The following RGS6 variants were observed in gnomAD, a reference collection of about 807,000 sequenced individuals.
The protein encoded by RGS6 is regulator of G protein signaling 6.
RGS6 carries 30 observed loss-of-function variants against 78.5 expected under a neutral mutation model. The ratio of observed to expected loss-of-function variants is 0.38; its 90% CI spans 0.29 to 0.52. The LOEUF (loss-of-function observed/expected upper bound fraction) is 0.52, where lower values mean the gene tolerates loss of function less well. Among genes scored for constraint, RGS6 ranks in the 20% least tolerant of loss-of-function variants. The pLI, the probability that RGS6 is intolerant of heterozygous loss-of-function variation, is 0.85. For synonymous variants in RGS6, 206 were observed against 206.0 expected (o/e 1.00, Z 0.00); for missense variants, 495 against 609.7 (o/e 0.81, Z 1.98).
chr14:72,168,351 G>A (rs1298230668), intron 2 of RGS6, among the ~76,000 whole-genome samples: 1 of 152,092 alleles, frequency 6.6e-6, no homozygotes, highest in Admixed American at 6.5e-5. Context: ...GCTCCTTCAG[G>A]CCCTGAGAGT....
intron 3 of RGS6, among the ~76,000 whole-genome samples, chr14:72,377,703 G>A (rs1052042916): frequency 6.6e-6 from 1 of 152,124 alleles, no homozygotes; most frequent in Non-Finnish European, 1.5e-5. Flanking sequence ...GGCCAGGCAT[G>A]GTGTAATCCC....
chr14:71,974,745 C>T (rs1298382085), intron 2 of RGS6, among the ~76,000 whole-genome samples: 5 of 152,078 alleles, frequency 3.3e-5, no homozygotes, highest in Non-Finnish European at 5.9e-5. Flanking sequence ...TTCCATTGCT[C>T]TTTATTATTT....
chr14:72,361,092 T>C (rs951501675), intron 3 of RGS6, among the ~76,000 whole-genome samples: 6 of 151,606 alleles, frequency 4.0e-5, no homozygotes, highest in African/African-American at 1.5e-4. Flanking sequence ...TCTTTTTTTT[T>C]TTTTTTTTTT....
the RGS6 span, among the ~76,000 whole-genome samples, chr14:72,573,724 C>G: frequency 2.0e-5 from 3 of 152,280 alleles, no homozygotes; most frequent in Middle Eastern, 3.4e-3. Context: ...CAGCTCCAAC[C>G]CCTTCTGCTG....
At chr14:71,982,092 C>G (rs1444218172) in intron 2 of RGS6, among the ~76,000 whole-genome samples, 1 of 152,226 alleles carries the variant, frequency 6.6e-6, no homozygotes, top group East Asian at 1.9e-4. Flanking sequence ...GGAAAGGGAA[C>G]TCCCTGACCC....
At chr14:72,251,937 G>A (rs2055896133) in intron 2 of RGS6, among the ~76,000 whole-genome samples, 1 of 152,172 alleles carries the variant, frequency 6.6e-6, no homozygotes, top group Non-Finnish European at 1.5e-5. Flanking sequence ...ATTTTCTAAT[G>A]ACTATTAGCC....
chr14:71,884,366 T>C, the RGS6 span, among the ~76,000 whole-genome samples: 2 of 152,226 alleles, frequency 1.3e-5, no homozygotes, highest in African/African-American at 4.8e-5. Flanking sequence ...GCACAAAGTG[T>C]CTTAAGCCTC....
At chr14:72,368,766 A>G (rs1266252955) in intron 3 of RGS6, among the ~76,000 whole-genome samples, 1 of 152,224 alleles carries the variant, frequency 6.6e-6, no homozygotes, top group Non-Finnish European at 1.5e-5. Context: ...GGAAGGAAGA[A>G]CTTTAAAAAT....
intron 2 of RGS6, among the ~76,000 whole-genome samples, chr14:72,127,560 A>T (rs2096227560): frequency 1.3e-5 from 2 of 152,210 alleles, no homozygotes; most frequent in African/African-American, 4.8e-5. Flanking sequence ...TAGTATTCAC[A>T]TAAAGTTTCA....
intron 3 of RGS6, among the ~76,000 whole-genome samples, chr14:72,418,220 A>G (rs998929256): frequency 6.6e-6 from 1 of 151,976 alleles, no homozygotes; most frequent in Non-Finnish European, 1.5e-5. Context: ...AGGTTGGAGT[A>G]CAATGGCATG....
intron 2 of RGS6, among the ~76,000 whole-genome samples, chr14:72,160,130 G>A (rs1226053161): frequency 6.6e-6 from 1 of 152,164 alleles, no homozygotes; most frequent in Non-Finnish European, 1.5e-5. Context: ...AATAGTAAAT[G>A]TTGTTCGATC....
chr14:72,110,168 A>T (rs1307988938), intron 2 of RGS6, among the ~76,000 whole-genome samples: 3 of 152,204 alleles, frequency 2.0e-5, no homozygotes, highest in Non-Finnish European at 4.4e-5. Context: ...TCCAGACATC[A>T]TTGGCTGCTT....
chr14:72,476,556 C>A (rs1837596667), intron 10 of RGS6, among the ~76,000 whole-genome samples, 186 bp from the exon 11 acceptor site: 1 of 152,192 alleles, frequency 6.6e-6, no homozygotes, highest in African/African-American at 2.4e-5. Context: ...TATAGTGGTA[C>A]CCCAAAGATG....
intron 2 of RGS6, among the ~76,000 whole-genome samples, chr14:72,248,234 A>G (rs1189832687): frequency 6.6e-6 from 1 of 152,186 alleles, no homozygotes; most frequent in African/African-American, 2.4e-5. Flanking sequence ...CAGATACTAT[A>G]TGACATGTAC....
chr14:72,402,257 A>G (rs550656205), intron 3 of RGS6, among the ~76,000 whole-genome samples: 8 of 152,314 alleles, frequency 5.3e-5, no homozygotes, highest in African/African-American at 1.7e-4. Flanking sequence ...CAAATAGAAG[A>G]TATCCAGCAG....
In RGS6 at chr14:72,207,789, C is replaced by A. The variant is rs143042629; in HGVS notation, c.85-144306C>A. ...CAATAGGCACTCTCCCTTTTCCTGA[C>A]AAAACAGTTCATTGTGTGTGAGAGA... On this transcript the variant is annotated intron_variant, in intron 2 of 17. Coordinates refer to ENST00000553525, the MANE Select transcript of RGS6 (RefSeq NM_001204424.2). 7.6e-4 allele frequency among the ~76,000 whole-genome samples: 115 copies of A among 152,302 alleles called. 1 individual carries two copies. The highest frequency in any genetic ancestry group is 2.7e-3 in the African/African-American group (113 of 41,572).
chr14:72,332,903 A>G (rs1345203698), intron 2 of RGS6, among the ~76,000 whole-genome samples: 1 of 152,198 alleles, frequency 6.6e-6, no homozygotes, highest in African/African-American at 2.4e-5. Flanking sequence ...AGCCACTGGA[A>G]TCCTCTCATT....
chr14:72,012,729 C>T (rs928378661), intron 2 of RGS6, among the ~76,000 whole-genome samples: 1 of 152,156 alleles, frequency 6.6e-6, no homozygotes, highest in Non-Finnish European at 1.5e-5. Context: ...TGGTGAAGAA[C>T]TCAGGACAGA....
At chr14:72,524,852 C>T (rs1248636212) in intron 15 of RGS6, among the ~76,000 whole-genome samples, 1 of 152,138 alleles carries the variant, frequency 6.6e-6, no homozygotes, top group Admixed American at 6.5e-5. Context: ...TTTAAGTGGA[C>T]TGATAGTGGA....
Sources: gnomAD v4.1 joint callset for allele counts (sites outside exome capture counted in the v4.1 genomes callset) on GRCh38, gnomAD v4.1.1 for gene constraint, MANE v1.5 for transcripts, NCBI Gene and HGNC (gene_info 2026-07-23, HGNC 2026-07-21) for gene names.